ZC3H7A: variants seen among roughly 807,000 people sequenced by gnomAD.
ZC3H7A encodes the protein zinc finger CCCH domain-containing protein 7A.
ZC3H7A carries 44 observed loss-of-function variants against 125.5 expected under a neutral mutation model. The observed-to-expected ratio is 0.35, with a 90% CI of 0.28 to 0.45. ZC3H7A has a LOEUF of 0.45. Ranked by LOEUF, ZC3H7A falls within the 20% of genes least tolerant of loss-of-function variation. The probability of loss-of-function intolerance (pLI) is 1.00; values close to 1 mark genes in which losing one functional copy is unlikely to be tolerated. For synonymous variants in ZC3H7A, 399 were observed against 391.2 expected, an observed-to-expected ratio of 1.02 and a Z score of -0.23; for missense variants, 977 against 1,170.7, an observed-to-expected ratio of 0.83 and a Z score of 2.41.
chr16:11,769,997 G>C (rs1436284088), intron 10 of ZC3H7A, among the ~76,000 whole-genome samples: 2 of 151,444 alleles, frequency 1.3e-5, no homozygotes, highest in East Asian at 3.9e-4. Flanking sequence ...ATGTTGCCCA[G>C]GCTGGTCTCA....
In ZC3H7A at chr16:11,775,030, A is replaced by G; in HGVS notation, c.586-17T>C. 1 of 1,613,812 alleles carries G rather than the reference A, an allele frequency of 6.2e-7. No individual in the cohort carries two copies. The highest frequency in any genetic ancestry group is 1.6e-4 in the Middle Eastern group (1 of 6,062). ...GTTCAAAGCCTAGAAATTAAACCAA[A>G]CAATGGGTTATAATATTTTCAGGAC... is the stretch of plus-strand genomic sequence containing the variant. On this transcript the variant is annotated splice_polypyrimidine_tract_variant and intron_variant, in intron 7 of 22. Coordinates refer to ENST00000355758, the MANE Select transcript of ZC3H7A (RefSeq NM_014153.4).
At position 11,752,655 on chromosome 16, in the gene ZC3H7A, AG is replaced by A; in HGVS notation, c.2726+13del. On this transcript the variant is annotated intron_variant, in intron 22 of 22. Coordinates refer to ENST00000355758, the MANE Select transcript of ZC3H7A (RefSeq NM_014153.4). The stretch of plus-strand genomic sequence containing the variant: ...AGCAATTCTGACATGGAAAAATTGT[AG>A]AAACCTACATACCTATCACAAATAC... 6.3e-7 allele frequency: 1 copy of A among 1,590,054 alleles called. No individual in the cohort carries two copies. The highest frequency in any genetic ancestry group is 8.5e-7 in the Non-Finnish European group (1 of 1,169,774).
chr16:11,754,893 CAAA>C (rs35345665), intron 21 of ZC3H7A, among the ~76,000 whole-genome samples: 6 of 68,864 alleles, frequency 8.7e-5, no homozygotes, highest in Admixed American at 1.9e-4. Context: ...CTCCGTCTCA[CAAA>C]AAAAAAAAAA....
chr16:11,759,029 A>C (rs1459906859), intron 19 of ZC3H7A: 1 of 154,826 alleles, frequency 6.5e-6, no homozygotes, highest in Non-Finnish European at 1.4e-5. Context: ...GCCATAATTC[A>C]CTACATATGC....
chr16:11,755,036 C>T (rs1482829135), intron 21 of ZC3H7A, among the ~76,000 whole-genome samples: 6 of 151,624 alleles, frequency 4.0e-5, no homozygotes, highest in African/African-American at 1.2e-4. Context: ...GGTGAAACCC[C>T]GTCTCTACCA....
chr16:11,793,293 G>A (rs2053381638), intron 1 of ZC3H7A, among the ~76,000 whole-genome samples: 1 of 152,102 alleles, frequency 6.6e-6, no homozygotes, highest in African/African-American at 2.4e-5. Context: ...AACATTTTAG[G>A]AGGCTGAGGT....
At chr16:11,752,641 C>T (rs1682926916) in intron 22 of ZC3H7A, 28 bp downstream of exon 22, 33 of 1,588,292 alleles carry the variant, frequency 2.1e-5, no homozygotes, top group Non-Finnish European at 2.8e-5. Flanking sequence ...GCAATTCTGA[C>T]ATGGAAAAAT....
intron 21 of ZC3H7A, among the ~76,000 whole-genome samples, chr16:11,755,107 G>A (rs566674269): frequency 6.6e-6 from 1 of 151,604 alleles, no homozygotes; most frequent in Non-Finnish European, 1.5e-5. Flanking sequence ...CTATTTAGAA[G>A]GCTGAGGCAG....
At chr16:11,774,551 T>G (rs1429559039) in intron 8 of ZC3H7A, 32 bp from the exon 9 acceptor site, 4 of 1,489,158 alleles carry the variant, frequency 2.7e-6, no homozygotes, top group East Asian at 4.6e-5. Flanking sequence ...ACTCAGTCAC[T>G]TTCATCGTAC....
At position 11,774,421 on chromosome 16, in the gene ZC3H7A, T is replaced by C. The variant is rs377535512; in HGVS notation, c.718A>G (p.Met240Val). The C allele has an allele frequency of 1.1e-5, 18 of 1,612,198 alleles. No individual in the cohort carries two copies. Among genetic ancestry groups the C allele is most frequent in the Non-Finnish European group, 1.4e-5 (17 of 1,178,710 alleles). ...VGSELASVPVMPLTSILPLQV... is the reference protein window; with the variant it reads ...VGSELASVPVVPLTSILPLQV... ...AGTGGCAAAATAGAAGTTAAGGGCA[T>C]AACAGGAACTGAGGCCAGCTCACTT... The change falls in exon 9 of 23, where the codon ATG becomes GTG. Residue 240 changes from methionine to valine, a missense_variant. Met to Val is a conservative substitution (Grantham distance 21). Around this residue, in one of 3 missense-constraint regions of ZC3H7A, gnomAD observed 342 missense variants for 311.3 expected, o/e 1.10. Coordinates refer to ENST00000355758, the MANE Select transcript of ZC3H7A (RefSeq NM_014153.4).
intron 11 of ZC3H7A, 81 bp downstream of exon 11, chr16:11,768,950 T>G (rs1369193352): frequency 3.6e-6 from 5 of 1,391,692 alleles, no homozygotes; most frequent in East Asian, 2.3e-5. Context: ...GAGACTGTCA[T>G]GTTCATTCAA....
In ZC3H7A at chr16:11,774,225, C is replaced by T; in HGVS notation, c.903+11G>A. 1.9e-6 allele frequency: 3 copies of T among 1,549,562 alleles called. No homozygotes were observed. Among genetic ancestry groups the T allele is most frequent in the Middle Eastern group, 1.7e-4 (1 of 5,830 alleles). On this transcript the variant is annotated intron_variant, in intron 9 of 22. Coordinates refer to ENST00000355758, the MANE Select transcript of ZC3H7A (RefSeq NM_014153.4). ...GTCTTCAGAAGAAACTTGAGTAACA[C>T]TGAAACTTACCATAACAGTTTCATT...
intron 13 of ZC3H7A, among the ~76,000 whole-genome samples, chr16:11,766,665 T>C (rs989687495): frequency 3.3e-5 from 5 of 152,198 alleles, no homozygotes; most frequent in Admixed American, 6.5e-5. Context: ...GGCAGATAAC[T>C]TGAGGCCAGG....
intron 1 of ZC3H7A, among the ~76,000 whole-genome samples, chr16:11,787,177 C>T (rs559449737): frequency 6.6e-6 from 1 of 152,198 alleles, no homozygotes; most frequent in Admixed American, 6.5e-5. Flanking sequence ...TGGTACGTGC[C>T]TGTAGTCCTA....
chr16:11,763,326 C>T (rs577911239), intron 16 of ZC3H7A, 152 bp downstream of exon 16: 1 of 681,596 alleles, frequency 1.5e-6, no homozygotes, highest in Admixed American at 3.1e-5. Flanking sequence ...CCAGACTGGT[C>T]TTGAACTCCT....
intron 20 of ZC3H7A, among the ~76,000 whole-genome samples, chr16:11,757,311 C>T (rs1414861754): frequency 2.0e-5 from 3 of 151,606 alleles, no homozygotes; most frequent in Non-Finnish European, 4.4e-5. Context: ...GGTGAAACCC[C>T]GGCTCTACTA....
chr16:11,756,754 C>T (rs571358859), intron 20 of ZC3H7A, among the ~76,000 whole-genome samples: 2 of 152,336 alleles, frequency 1.3e-5, no homozygotes, highest in East Asian at 1.9e-4. Flanking sequence ...AGGCTACTTA[C>T]GTGGCTTGGG....
In ZC3H7A at chr16:11,765,978, T is replaced by C. The variant is rs1305989126; in HGVS notation, c.1523-293A>G. Reference sequence around the variant, plus strand: ...TCATGGACAGCCTCAAACAATGATATGCATATTATCTGGGGATGGATCGTA... The same window carrying C: ...TCATGGACAGCCTCAAACAATGATACGCATATTATCTGGGGATGGATCGTA... On this transcript the variant is annotated intron_variant, in intron 13 of 22. Transcript: ENST00000355758. The surrounding 1 kb of genome is among the most constrained non-coding windows in gnomAD (Gnocchi z 4.8). Among the ~76,000 whole-genome samples, 1 of 152,190 alleles carries C rather than the reference T, an allele frequency of 6.6e-6. No homozygotes were observed. Among genetic ancestry groups the C allele is most frequent in the African/African-American group, 2.4e-5 (1 of 41,438 alleles).
At chr16:11,761,682 C>A (rs2052755392) in intron 18 of ZC3H7A, 171 bp from the exon 19 acceptor site, 1 of 829,176 alleles carries the variant, frequency 1.2e-6, no homozygotes, top group Non-Finnish European at 1.8e-6. Flanking sequence ...TTTACAAACA[C>A]TCCCTACAAA....
Sources: gnomAD v4.1 joint callset for allele counts (sites outside exome capture counted in the v4.1 genomes callset) on GRCh38, gnomAD v4.1.1 for gene constraint, gnomAD v4.1.1 regional missense constraint, Gnocchi (gnomAD v3.1) non-coding constraint, MANE v1.5 for transcripts, NCBI Gene and HGNC (gene_info 2026-07-23, HGNC 2026-07-21) for gene names.